CRYBG2: variants seen among roughly 807,000 people sequenced by gnomAD.
CRYBG2 encodes the protein beta/gamma crystallin domain-containing protein 2.
A neutral mutation model predicts 153.4 loss-of-function variants in CRYBG2; 106 were observed. That is an observed-to-expected ratio of 0.69 (90% CI 0.59 to 0.81). The LOEUF (loss-of-function observed/expected upper bound fraction) is 0.81, where lower values mean the gene tolerates loss of function less well. Among genes scored for constraint, CRYBG2 ranks in the 30% least tolerant of loss-of-function variants. The pLI is 0.00. For synonymous variants in CRYBG2, 851 were observed against 877.8 expected (o/e 0.97, Z 0.54); for missense variants, 1,996 against 2,112.0 (o/e 0.95, Z 1.08).
Position 26,345,971 on chromosome 1 carries a change from G to A in CRYBG2, c.687C>T (p.Pro229=). The A allele has an allele frequency of 6.3e-7, 1 of 1,593,578 alleles. No individual in the cohort carries two copies. Among genetic ancestry groups the A allele is most frequent in the Non-Finnish European group, 8.5e-7 (1 of 1,177,180 alleles). The change falls in exon 2 of 20, where the codon CCC becomes CCT. Residue 229 remains proline, a synonymous_variant. Coordinates refer to ENST00000308182, the MANE Select transcript of CRYBG2 (RefSeq NM_001039775.4). ...GCACTTTCACGGCCTGGCTGCGGCTGGGCGAGCCTGGTGGGGAGCCCACCA... is the reference window on the plus strand; with the variant it reads ...GCACTTTCACGGCCTGGCTGCGGCTAGGCGAGCCTGGTGGGGAGCCCACCA... ...PVVVGSPPGS[P]SRSQAVKVLS... is the part of the protein sequence containing the mutation.
At position 26,346,482 on chromosome 1, in the gene CRYBG2, C is replaced by T. The variant is rs370067840; in HGVS notation, c.176G>A (p.Arg59His). Residue 59 changes from arginine (R) to histidine (H), a missense_variant, in exon 2 of 20, where the codon CGT (arginine) becomes CAT (histidine). Transcript: ENST00000308182. The surrounding 1 kb of genome is among the most constrained non-coding windows in gnomAD (Gnocchi z 4.9). ...GCCATTGACTTCCACTTCCTCTCGA[C>T]GGCTGAACTCAAACATCTCCTTCTG... ...APQKEMFEFS[R>H]REEVEVNGFA... The T allele has an allele frequency of 2.2e-4, 354 of 1,611,154 alleles. 7 individuals are homozygous for T. In the South Asian group the frequency reaches 3.3e-3, roughly 15 times the overall value.
chr1:26,330,660 TC>T (rs1459764486), intron 15 of CRYBG2, among the ~76,000 whole-genome samples: 3 of 151,504 alleles, frequency 2.0e-5, no homozygotes, highest in African/African-American at 7.3e-5. Flanking sequence ...TGTCTCAGCT[TC>T]CCAAGCAGCT....
At position 26,336,261 on chromosome 1, in the gene CRYBG2, A is replaced by G; in HGVS notation, c.4072-54T>C. The stretch of plus-strand genomic sequence containing the variant: ...AGGAGGACGATGGAGTGGGGCCGAG[A>G]ACAGCGGGGAGGGGAAAGGTCCGAA... On this transcript the variant is annotated intron_variant, in intron 13 of 19. Coordinates refer to ENST00000308182, the MANE Select transcript of CRYBG2 (RefSeq NM_001039775.4). This position sits in a 1 kb window ranked among gnomAD's most constrained non-coding sequence, Gnocchi z 4.9. 4.4e-6 allele frequency: 7 copies of G among 1,595,996 alleles called. No individual in the cohort carries two copies. In the South Asian group the frequency reaches 5.6e-5, roughly 13 times the overall value.
Position 26,337,370 on chromosome 1 carries a change from G to A in CRYBG2, c.3654C>T (p.Gly1218=), listed in dbSNP as rs1377671392. ...SLRVLGGCWV[G]YEKEGFRGHQ... ...GGCCCCGGAAGCCCTCCTTCTCGTA[G>A]CCCACCCAGCTGGGAAAAGCAGGAG... Residue 1218 remains glycine, a synonymous_variant, in exon 10 of 20, where the codon GGC becomes GGT. Transcript: ENST00000308182. 6.2e-7 allele frequency: 1 copy of A among 1,613,590 alleles called. No individual in the cohort carries two copies. Among genetic ancestry groups the A allele is most frequent in the Non-Finnish European group, 8.5e-7 (1 of 1,179,742 alleles).
chr1:26,339,206 G>A, intron 6 of CRYBG2, 84 bp downstream of exon 6: 1 of 1,518,178 alleles, frequency 6.6e-7, no homozygotes, highest in South Asian at 1.3e-5. Context: ...CTGAAGGCAG[G>A]AACTGTGTTC....
chr1:26,327,352 C>A (rs1301720423), intron 17 of CRYBG2, among the ~76,000 whole-genome samples: 1 of 152,078 alleles, frequency 6.6e-6, no homozygotes, highest in Admixed American at 6.6e-5. Flanking sequence ...CCTGTAATCC[C>A]AGCTACTTGG....
Position 26,344,379 on chromosome 1 carries a change from A to G in CRYBG2, c.2279T>C (p.Leu760Pro), listed in dbSNP as rs1484319793. The change falls in exon 2 of 20, where the codon CTG becomes CCG. Residue 760 changes from leucine to proline, a missense_variant. Leu to Pro is a moderately conservative substitution (Grantham distance 98). Transcript: ENST00000308182. ...ETSREEDEVA[L>P]AADLEIFLDT... ...CAGGAATATCTCCAGGTCAGCGGCC[A>G]GGGCCACCTCATCCTCCTCCCTTGA... 2.6e-6 allele frequency: 4 copies of G among 1,514,076 alleles called. No individual in the cohort carries two copies. Among genetic ancestry groups the G allele is most frequent in the Admixed American group, 4.3e-5 (2 of 46,632 alleles). 93.8% of individuals were successfully genotyped at this position (1,514,076 alleles called of 1,614,324 possible). A position where few individuals can be genotyped will look rare whatever the true frequency, so the allele number is the denominator to read the frequency against.
At chr1:26,324,491 A>G (rs2073899554) in intron 17 of CRYBG2, among the ~76,000 whole-genome samples, 181 bp from the exon 18 acceptor site, 1 of 135,504 alleles carries the variant, frequency 7.4e-6, no homozygotes, top group Non-Finnish European at 1.6e-5. Flanking sequence ...GAGCACATGT[A>G]TCTCTCTCTC....
intron 5 of CRYBG2, among the ~76,000 whole-genome samples, chr1:26,339,799 T>G (rs2074108614): frequency 1.3e-5 from 2 of 151,680 alleles, no homozygotes; most frequent in Admixed American, 1.3e-4. Flanking sequence ...ACACCCCGCT[T>G]CCCCAAGTCC....
In CRYBG2 at chr1:26,344,683, G is replaced by A. The variant is rs769486349; in HGVS notation, c.1975C>T (p.Leu659Phe). The A allele has an allele frequency of 3.6e-4, 546 of 1,533,074 alleles. 3 individuals carry two copies. The highest frequency in any genetic ancestry group is 3.3e-4 in the Middle Eastern group (2 of 5,992). The allele number at this position is 1,533,074 out of a possible 1,614,324, so 95.0% of individuals were successfully genotyped here. Residue 659 changes from leucine (L) to phenylalanine (F), a missense_variant, in exon 2 of 20, where the codon CTC (leucine) becomes TTC (phenylalanine). Transcript: ENST00000308182. ...QGIAGSLAPP[L>F]TKEETVQGPI... is the part of the protein sequence containing the mutation. The stretch of plus-strand genomic sequence containing the variant: ...CCTTGAACAGTCTCTTCCTTGGTGA[G>A]GGGCGGGGCAAGGCTGCCTGCAATA...
At chr1:26,324,848 C>G (rs946536229) in intron 17 of CRYBG2, 1 of 152,238 alleles carries the variant, frequency 6.6e-6, no homozygotes, top group Non-Finnish European at 1.5e-5. Flanking sequence ...TCAGACATGG[C>G]TCTGCCATAA....
At chr1:26,323,181 C>T (rs942248269) in intron 18 of CRYBG2, among the ~76,000 whole-genome samples, 6 of 151,538 alleles carry the variant, frequency 4.0e-5, no homozygotes, top group South Asian at 2.1e-4. Flanking sequence ...CCTGGGCTCA[C>T]GTAATCCTCC....
intron 14 of CRYBG2, among the ~76,000 whole-genome samples, chr1:26,332,034 G>A (rs1422510696): frequency 3.9e-5 from 6 of 152,188 alleles, no homozygotes; most frequent in Admixed American, 1.3e-4. Context: ...TGGGCTGGGC[G>A]CGGTGGCTCA....
At position 26,346,123 on chromosome 1, in the gene CRYBG2, G is replaced by C; in HGVS notation, c.535C>G (p.Arg179Gly). 6.4e-7 allele frequency: 1 copy of C among 1,565,408 alleles called. No individual in the cohort carries two copies. The highest frequency in any genetic ancestry group is 8.6e-7 in the Non-Finnish European group (1 of 1,160,132). Residue 179 changes from arginine (R) to glycine (G), a missense_variant, in exon 2 of 20, where the codon CGG becomes GGG. Coordinates refer to ENST00000308182, the MANE Select transcript of CRYBG2 (RefSeq NM_001039775.4). The surrounding 1 kb of genome is among the most constrained non-coding windows in gnomAD (Gnocchi z 4.9). ...TGACCTCCCACCACTGTGGTGGTCC[G>C]CACAGTGCGTGTCACTCGGTATTCC... ...LEEYRVTRTVRTTTVVGGHVD... is the reference protein window; with the variant it reads ...LEEYRVTRTVGTTTVVGGHVD...
At position 26,344,698 on chromosome 1, in the gene CRYBG2, T is replaced by G. The variant is rs1004166023; in HGVS notation, c.1960A>C (p.Ser654Arg). The G allele has an allele frequency of 2.2e-5, 33 of 1,533,010 alleles. No individual in the cohort carries two copies. The African/African-American group carries it at 4.5e-4, about 21-fold the overall frequency. 95.0% of individuals were successfully genotyped at this position (1,533,010 alleles called of 1,614,324 possible). Residue 654 changes from serine to arginine, a missense_variant, in exon 2 of 20, where the codon AGC becomes CGC. Physicochemically the swap from Ser to Arg is moderately radical, Grantham distance 110. Coordinates refer to ENST00000308182, the MANE Select transcript of CRYBG2 (RefSeq NM_001039775.4). ...QKEAVQGIAG[S>R]LAPPLTKEET... The stretch of plus-strand genomic sequence containing the variant: ...TCCTTGGTGAGGGGCGGGGCAAGGC[T>G]GCCTGCAATACCCTGGACAGCCTCT...
chr1:26,335,119 C>CAAAAAAAAAAAAA (rs34582852), intron 14 of CRYBG2, among the ~76,000 whole-genome samples: 1 of 146,848 alleles, frequency 6.8e-6, no homozygotes, highest in Non-Finnish European at 1.5e-5. Flanking sequence ...AGATTTGGAG[C>CAAAAAAAAAAAAA]AAAAAAAAAA....
chr1:26,333,984 A>G (rs1442955606), intron 14 of CRYBG2, among the ~76,000 whole-genome samples: 1 of 152,128 alleles, frequency 6.6e-6, no homozygotes, highest in Non-Finnish European at 1.5e-5. Flanking sequence ...ACATCCACCT[A>G]ATTAAAAATT....
Position 26,344,920 on chromosome 1 carries a change from T to C in CRYBG2, c.1738A>G (p.Lys580Glu), listed in dbSNP as rs1428817048. Residue 580 changes from lysine (K) to glutamate (E), a missense_variant, in exon 2 of 20, where the codon AAA becomes GAA. Physicochemically the swap from Lys to Glu is moderately conservative, Grantham distance 56. Transcript: ENST00000308182. ...GCACCAGGGCCCTTCACAACCTCTTTTGGGGTGGTGGACAAGGCAGCAGGA... is the reference window on the plus strand; with the variant it reads ...GCACCAGGGCCCTTCACAACCTCTTCTGGGGTGGTGGACAAGGCAGCAGGA... ...GAPAALSTTP[K>E]EVVKGPGAPA... is the part of the protein sequence containing the mutation. The C allele has an allele frequency of 6.5e-7, 1 of 1,536,934 alleles. No individual in the cohort carries two copies. The highest frequency in any genetic ancestry group is 1.4e-5 in the African/African-American group (1 of 72,228).
At position 26,346,066 on chromosome 1, in the gene CRYBG2, C is replaced by T. The variant is rs1385818596; in HGVS notation, c.592G>A (p.Val198Met). The change falls in exon 2 of 20, where the codon GTG becomes ATG. Residue 198 changes from valine to methionine, a missense_variant. By Grantham distance (21) the Val-to-Met change is conservative. Transcript: ENST00000308182. This position sits in a 1 kb window ranked among gnomAD's most constrained non-coding sequence, Gnocchi z 4.9. ...GCCTCGCCTGAGGACACTGGCCTCA[C>T]AGTCACAGAGCTGCTCATCCGCCGG... is the stretch of plus-strand genomic sequence containing the variant. ...VDRRMSSSVT[V>M]RPVSSGEALP... The T allele has an allele frequency of 1.3e-6, 2 of 1,586,990 alleles. No individual in the cohort carries two copies. Among genetic ancestry groups the T allele is most frequent in the Non-Finnish European group, 1.7e-6 (2 of 1,172,878 alleles).
Sources: allele counts gnomAD v4.1 joint callset (sites outside exome capture counted in the v4.1 genomes callset), GRCh38; gene constraint gnomAD v4.1.1; non-coding constraint Gnocchi (gnomAD v3.1); transcripts MANE v1.5; gene names NCBI Gene and HGNC (gene_info 2026-07-23, HGNC 2026-07-21).